AFF2: variants seen among roughly 807,000 people sequenced by gnomAD.
AFF2 encodes the protein ALF transcription elongation factor 2, also known as AF4/FMR2 family member 2.
In AFF2, 14 loss-of-function variants were observed where a neutral mutation model predicts 76.9. The ratio of observed to expected loss-of-function variants is 0.18; its 90% confidence interval spans 0.12 to 0.28. The LOEUF (loss-of-function observed/expected upper bound fraction) is 0.28. Ranked by LOEUF, AFF2 falls within the 10% of genes least tolerant of loss-of-function variation. AFF2 has a pLI of 1.00. For missense variants in AFF2, 868 were observed against 1,001.1 expected, an observed-to-expected ratio of 0.87 and a Z score of 1.79; for synonymous variants, 398 against 366.7, an observed-to-expected ratio of 1.09 and a Z score of -0.98.
At chrX:148,793,712 T>A (rs1199309944) in intron 3 of AFF2, among the ~76,000 whole-genome samples, 1 of 112,144 alleles carries the variant, frequency 8.9e-6, no homozygotes, top group Non-Finnish European at 1.9e-5. Context: ...ATTGATCAGA[T>A]GGTTTAAGGT....
At chrX:148,939,050 A>C (rs2071804401) in intron 9 of AFF2, among the ~76,000 whole-genome samples, 1 of 111,797 alleles carries the variant, frequency 8.9e-6, no homozygotes. Flanking sequence ...TGAGACATTT[A>C]CAAGTAGGAT....
chrX:148,745,727 G>T (rs781890105), intron 3 of AFF2, among the ~76,000 whole-genome samples: 4 of 110,661 alleles, frequency 3.6e-5, no homozygotes, highest in African/African-American at 1.3e-4. Flanking sequence ...CAATCATACT[G>T]CATTTTTATT....
chrX:148,611,335 T>A (rs1557249479), intron 1 of AFF2, among the ~76,000 whole-genome samples: 1 of 112,442 alleles, frequency 8.9e-6, no homozygotes, highest in African/African-American at 3.2e-5. Context: ...TAGTATGGTC[T>A]AATGGTTACA....
At chrX:148,986,011 C>T (rs940616643) in intron 19 of AFF2, among the ~76,000 whole-genome samples, 4 of 105,747 alleles carry the variant, frequency 3.8e-5, no homozygotes, top group Non-Finnish European at 7.7e-5. Context: ...TTGCTGTTTC[C>T]CCAAATCATC....
intron 1 of AFF2, among the ~76,000 whole-genome samples, chrX:148,545,474 C>T (rs1189163233): frequency 8.9e-6 from 1 of 111,756 alleles, no homozygotes; most frequent in Non-Finnish European, 1.9e-5. Flanking sequence ...GCTTGATCTA[C>T]TGTAGAGTGG....
intron 2 of AFF2, among the ~76,000 whole-genome samples, chrX:148,654,142 A>G: frequency 8.9e-6 from 1 of 111,843 alleles, no homozygotes; most frequent in East Asian, 2.8e-4. Flanking sequence ...CAGGAAAGGA[A>G]ACTCCAAAGG....
At chrX:148,517,866 A>AG (rs2052553854) in intron 1 of AFF2, among the ~76,000 whole-genome samples, 1 of 107,836 alleles carries the variant, frequency 9.3e-6, no homozygotes, top group Non-Finnish European at 1.9e-5. Flanking sequence ...AAATACAAAA[A>AG]AAAAAAATGA....
At chrX:148,501,246 C>T in intron 1 of AFF2, 102 bp downstream of exon 1, 1 of 1,023,658 alleles carries the variant, frequency 9.8e-7, no homozygotes, top group South Asian at 2.0e-5. Context: ...GTGGGGGGCG[C>T]CCCGGACTCC....
chrX:148,585,654 A>G (rs1299708768), intron 1 of AFF2, among the ~76,000 whole-genome samples: 2 of 109,011 alleles, frequency 1.8e-5, no homozygotes, highest in Non-Finnish European at 3.8e-5. Context: ...CCTGGCTAAC[A>G]TGGTGAAACC....
At chrX:148,670,945 TAA>T (rs1195668315) in intron 3 of AFF2, among the ~76,000 whole-genome samples, 1 of 112,025 alleles carries the variant, frequency 8.9e-6, no homozygotes, top group Non-Finnish European at 1.9e-5. Flanking sequence ...GATGGCTTCT[TAA>T]AGAGTATGCA....
intron 1 of AFF2, among the ~76,000 whole-genome samples, chrX:148,624,470 GAT>G (rs1557251731): frequency 1.8e-5 from 2 of 111,927 alleles, no homozygotes. Flanking sequence ...TGCCTGTGCA[GAT>G]ATTTAACTTG....
chrX:148,748,500 G>T (rs1322466767), intron 3 of AFF2, among the ~76,000 whole-genome samples: 1 of 111,741 alleles, frequency 8.9e-6, no homozygotes, highest in African/African-American at 3.3e-5. Flanking sequence ...GCAAATACCG[G>T]ACTCATTCTC....
At chrX:148,712,399 A>T in intron 3 of AFF2, among the ~76,000 whole-genome samples, 1 of 111,608 alleles carries the variant, frequency 9.0e-6, no homozygotes, top group Non-Finnish European at 1.9e-5. Context: ...TATATAAAAA[A>T]ATCTGTATTC....
At chrX:148,887,369 G>A (rs1329809547) in intron 8 of AFF2, among the ~76,000 whole-genome samples, 3 of 111,846 alleles carry the variant, frequency 2.7e-5, no homozygotes, top group African/African-American at 6.5e-5. Flanking sequence ...CATCATATTT[G>A]TAAGTAAAAC....
chrX:148,953,783 A>G lies in AFF2; in HGVS notation c.1557+44A>G, dbSNP rs1188520217. 12 of 1,070,551 alleles carry G rather than the reference A, an allele frequency of 1.1e-5. No homozygotes were observed. The Admixed American group carries it at 2.1e-4, about 19-fold the overall frequency. 88.2% of individuals were successfully genotyped at this position (1,070,551 alleles called of 1,213,427 possible). The stretch of plus-strand genomic sequence containing the variant: ...GCCCTAACCATGATCTGCCTGTCCC[A>G]CAGGCAGCACCCTCAACACACACAC... On this transcript the variant is annotated intron_variant, in intron 10 of 20. Transcript: ENST00000370460.
chrX:148,515,871 T>C (rs1557233746), intron 1 of AFF2, among the ~76,000 whole-genome samples: 1 of 111,718 alleles, frequency 9.0e-6, no homozygotes, highest in African/African-American at 3.3e-5. Flanking sequence ...GCCAACCCCT[T>C]GTTCAGTCTC....
chrX:148,873,756 T>C (rs1557277608), intron 7 of AFF2, among the ~76,000 whole-genome samples: 1 of 111,338 alleles, frequency 9.0e-6, no homozygotes, highest in African/African-American at 3.3e-5. Flanking sequence ...GACTTGGATT[T>C]ATTGTGAGAC....
At chrX:148,698,297 A>T (rs1391660800) in intron 3 of AFF2, among the ~76,000 whole-genome samples, 2 of 112,774 alleles carry the variant, frequency 1.8e-5, no homozygotes, top group Non-Finnish European at 3.7e-5. Flanking sequence ...GTGGCTTCCT[A>T]TTGGGTCTTT....
intron 9 of AFF2, among the ~76,000 whole-genome samples, chrX:148,917,864 A>G (rs1267770293): frequency 8.9e-6 from 1 of 112,188 alleles, no homozygotes; most frequent in Non-Finnish European, 1.9e-5. Flanking sequence ...CTCTCTTAAT[A>G]TTGAAGTGTA....
Sources: gnomAD v4.1 joint callset for allele counts (sites outside exome capture counted in the v4.1 genomes callset) on GRCh38, gnomAD v4.1.1 for gene constraint, MANE v1.5 for transcripts, NCBI Gene and HGNC (gene_info 2026-07-23, HGNC 2026-07-21) for gene names.